The following GAA variants were observed in gnomAD, a reference collection of about 807,000 sequenced individuals.
The protein encoded by GAA is alpha glucosidase.
GAA carries 88 observed loss-of-function variants against 103.9 expected under a neutral mutation model. The observed-to-expected ratio is 0.85, with a 90% CI of 0.71 to 1.01. The LOEUF (loss-of-function observed/expected upper bound fraction) is 1.01, where lower values mean the gene tolerates loss of function less well. GAA is among the 50% of genes least tolerant of loss of function. The pLI is 0.00. For synonymous variants in GAA, 572 were observed against 563.1 expected, an observed-to-expected ratio of 1.02 and a Z score of -0.22; for missense variants, 1,350 against 1,305.3, an observed-to-expected ratio of 1.03 and a Z score of -0.53.
rs372799904 is a variant in GAA at position 80,108,734 on chromosome 17, G to A, written c.1232G>A (p.Arg411Gln). 66 of 1,612,204 alleles carry A rather than the reference G, an allele frequency of 4.1e-5. No individual in the cohort carries two copies. In the African/African-American group the frequency reaches 5.1e-4, roughly 12 times the overall value. ...AACGACCTGGACTACATGGACTCCCGGAGGGACTTCACGTTCAACAAGGAT... is the reference window on the plus strand; with the variant it reads ...AACGACCTGGACTACATGGACTCCCAGAGGGACTTCACGTTCAACAAGGAT... ...QWNDLDYMDSRRDFTFNKDGF... is the reference protein window; with the variant it reads ...QWNDLDYMDSQRDFTFNKDGF... The change falls in exon 8 of 20, where the codon CGG becomes CAG. Residue 411 changes from arginine (R) to glutamine (Q), a missense_variant. Coordinates refer to ENST00000302262, the MANE Select transcript of GAA (RefSeq NM_000152.5).
chr17:80,102,919 A>G (rs190841178), intron 1 of GAA, among the ~76,000 whole-genome samples: 34 of 152,278 alleles, frequency 2.2e-4, no homozygotes, highest in African/African-American at 7.7e-4. Context: ...GTCAAGATTG[A>G]ATTGAATTGT....
chr17:80,109,769 C>T (rs1255414019), intron 8 of GAA, among the ~76,000 whole-genome samples, 176 bp from the exon 9 acceptor site: 1 of 152,116 alleles, frequency 6.6e-6, no homozygotes, highest in Non-Finnish European at 1.5e-5. Flanking sequence ...CTGACTCGCC[C>T]GGCCCTGGCT....
At chr17:80,119,188 G>A in intron 19 of GAA, 84 bp from the exon 20 acceptor site, 2 of 1,329,602 alleles carry the variant, frequency 1.5e-6, no homozygotes, top group Non-Finnish European at 2.2e-6. Flanking sequence ...GGATCTCGGG[G>A]CCAGATGGAG....
intron 17 of GAA, 36 bp downstream of exon 17, chr17:80,117,785 C>T: frequency 6.3e-7 from 1 of 1,580,446 alleles, no homozygotes; most frequent in Non-Finnish European, 8.6e-7. Flanking sequence ...GGGGTGTGGA[C>T]AGCACACTGC....
rs781739778 is a variant in GAA at position 80,117,743 on chromosome 17, C to G, written c.2475C>G (p.Pro825=). Residue 825 remains proline, a synonymous_variant, in exon 17 of 20, where the codon CCC becomes CCG. Coordinates refer to ENST00000302262, the MANE Select transcript of GAA (RefSeq NM_000152.5). ...ACCTCCGGGCTGGGTACATCATCCC[C>G]CTGCAGGTACCTGGGCCAGGCGGCT... ...NVHLRAGYII[P]LQGPGLTTTE... 5 of 1,608,240 alleles carry G rather than the reference C, an allele frequency of 3.1e-6. No individual in the cohort carries two copies. The South Asian group carries it at 3.3e-5, about 11-fold the overall frequency.
In GAA at chr17:80,118,670, G is replaced by A; in HGVS notation, c.2664G>A (p.Glu888=). 6.2e-7 allele frequency: 1 copy of A among 1,612,692 alleles called. No individual in the cohort carries two copies. The highest frequency in any genetic ancestry group is 8.5e-7 in the Non-Finnish European group (1 of 1,180,008). Residue 888 remains glutamate (E), a synonymous_variant, in exon 19 of 20, where the codon GAG becomes GAA. Transcript: ENST00000302262. ...CGGCCCAGAACACGATCGTGAATGA[G>A]CTGGTACGTGTGACCAGTGAGGGAG... is the stretch of plus-strand genomic sequence containing the variant. ...FLARNNTIVN[E]LVRVTSEGAG... is the part of the protein sequence containing the mutation.
At chr17:80,113,491 A>G in intron 15 of GAA, 125 bp downstream of exon 15, 3 of 908,312 alleles carry the variant, frequency 3.3e-6, no homozygotes, top group Non-Finnish European at 4.8e-6. Flanking sequence ...GCTGAGTGAG[A>G]CAACATTTGG....
chr17:80,111,621 G>A, intron 11 of GAA: 1 of 352,796 alleles, frequency 2.8e-6, no homozygotes, highest in South Asian at 2.9e-5. Flanking sequence ...AGGTTTGGGG[G>A]CCTGAGGCTA....
chr17:80,106,973 A>C (rs931162488), intron 3 of GAA, among the ~76,000 whole-genome samples: 5 of 152,118 alleles, frequency 3.3e-5, no homozygotes, highest in Non-Finnish European at 7.4e-5. Flanking sequence ...CACTCAGCGT[A>C]GTCTTGCCCA....
At chr17:80,108,200 A>G (rs1598576398) in intron 5 of GAA, 90 bp from the exon 6 acceptor site, 12 of 1,606,242 alleles carry the variant, frequency 7.5e-6, no homozygotes, top group Middle Eastern at 1.7e-4. Flanking sequence ...GAGAGCCTCA[A>G]CTCTCCGCCT....
intron 12 of GAA, 163 bp from the exon 13 acceptor site, chr17:80,112,413 CAG>C: frequency 1.1e-6 from 1 of 884,622 alleles, no homozygotes; most frequent in South Asian, 1.6e-5. Context: ...GTGGCCCAGA[CAG>C]AGGCAACTGT....
chr17:80,117,030 T>C lies in GAA; in HGVS notation c.2252T>C (p.Leu751Pro), dbSNP rs2039366566. ...DHQLLWGEAL[L>P]ITPVLQAGKA... The stretch of plus-strand genomic sequence containing the variant: ...CAGCTCCTGTGGGGGGAGGCCCTGC[T>C]CATCACCCCAGTGCTCCAGGCCGGG... Residue 751 changes from leucine (L) to proline (P), a missense_variant, in exon 16 of 20, where the codon CTC (leucine) becomes CCC (proline). Transcript: ENST00000302262. 1 of 1,613,422 alleles carries C rather than the reference T, an allele frequency of 6.2e-7. No individual in the cohort carries two copies. Among genetic ancestry groups the C allele is most frequent in the Admixed American group, 1.7e-5 (1 of 60,000 alleles).
chr17:80,107,987 C>A, intron 5 of GAA, 91 bp downstream of exon 5: 1 of 1,246,976 alleles, frequency 8.0e-7, no homozygotes, highest in Non-Finnish European at 1.1e-6. Flanking sequence ...GCCCTGGGCA[C>A]GGTGCTGGGC....
intron 16 of GAA, among the ~76,000 whole-genome samples, 181 bp from the exon 17 acceptor site, chr17:80,117,419 G>A (rs540750516): frequency 6.6e-5 from 10 of 152,308 alleles, no homozygotes; most frequent in Non-Finnish European, 1.3e-4. Flanking sequence ...CCACTCAGTA[G>A]CCAGGAGGGT....
chr17:80,111,014 C>T lies in GAA; in HGVS notation c.1625C>T (p.Pro542Leu), dbSNP rs1598582130. Residue 542 changes from proline (P) to leucine (L), a missense_variant, in exon 11 of 20, where the codon CCC (proline) becomes CTC (leucine). Pro to Leu is a moderately conservative substitution (Grantham distance 98). Coordinates refer to ENST00000302262, the MANE Select transcript of GAA (RefSeq NM_000152.5). ...GCPNNELENP[P>L]YVPGVVGGTL... ...CCCAACAATGAGCTGGAGAACCCAC[C>T]CTACGTGCCTGGTCAGCTCGCCCCC... 3 of 1,613,856 alleles carry T rather than the reference C, an allele frequency of 1.9e-6. No individual in the cohort carries two copies. Among genetic ancestry groups the T allele is most frequent in the South Asian group, 1.1e-5 (1 of 91,080 alleles).
At chr17:80,118,928 C>T (rs2039422160) in intron 19 of GAA, 123 bp downstream of exon 19, 2 of 1,239,476 alleles carry the variant, frequency 1.6e-6, no homozygotes, top group South Asian at 2.6e-5. Flanking sequence ...CCAAGGGGGT[C>T]TTTGGGGAGG....
chr17:80,118,572 G>T (rs945947361), intron 18 of GAA, 81 bp from the exon 19 acceptor site: 2 of 1,553,360 alleles, frequency 1.3e-6, no homozygotes, highest in Non-Finnish European at 1.8e-6. Flanking sequence ...ATGAGTCCCT[G>T]TTCTCATGGG....
chr17:80,110,663 G>C, intron 9 of GAA, 64 bp from the exon 10 acceptor site: 9 of 1,426,372 alleles, frequency 6.3e-6, no homozygotes, highest in Admixed American at 3.4e-5. Flanking sequence ...CTGAGGCTCA[G>C]TGGGGCTTCC....
intron 8 of GAA, 107 bp from the exon 9 acceptor site, chr17:80,109,838 A>G (rs1022620436): frequency 1.4e-5 from 11 of 787,722 alleles, no homozygotes; most frequent in Non-Finnish European, 2.4e-5. Context: ...TGCTGTACAC[A>G]CGCATGATGT....
Sources: allele counts gnomAD v4.1 joint callset (sites outside exome capture counted in the v4.1 genomes callset), GRCh38; gene constraint gnomAD v4.1.1; transcripts MANE v1.5; gene names NCBI Gene and HGNC (gene_info 2026-07-23, HGNC 2026-07-21).